GTF3C6: variants seen among roughly 807,000 people sequenced by gnomAD.
GTF3C6 encodes the protein general transcription factor 3C polypeptide 6.
A neutral mutation model predicts 19.2 loss-of-function variants in GTF3C6; 11 were observed. The ratio of observed to expected loss-of-function variants is 0.57; its 90% CI spans 0.36 to 0.95. The LOEUF is 0.95. Ranked by LOEUF, GTF3C6 falls within the 40% of genes least tolerant of loss-of-function variation. The probability of loss-of-function intolerance (pLI) is 0.01; values close to 1 mark genes in which losing one functional copy is unlikely to be tolerated. For missense variants in GTF3C6, 222 were observed against 254.7 expected, an observed-to-expected ratio of 0.87 and a Z score of 0.87; for synonymous variants, 87 against 84.2, an observed-to-expected ratio of 1.03 and a Z score of -0.18.
At chr6:110,960,735 T>G in intron 4 of GTF3C6, 119 bp downstream of exon 4, 3 of 861,468 alleles carry the variant, frequency 3.5e-6, no homozygotes, top group Admixed American at 2.1e-5. Flanking sequence ...TTCCCAAACG[T>G]GACTCAGATT....
rs1354075109 is a variant in GTF3C6, at chr6:110,959,232, G to A, written c.118G>A (p.Glu40Lys). The A allele has an allele frequency of 6.2e-7, 1 of 1,609,478 alleles. No homozygotes were observed. The highest frequency in any genetic ancestry group is 1.1e-5 in the South Asian group (1 of 90,964). Reference protein sequence around the residue: ...IIDSDFLSKCENKCKVLGIDT... With the variant: ...IIDSDFLSKCKNKCKVLGIDT... ...TGATTCAGACTTCCTCTCAAAATGT[G>A]AAAATAAATGCAAGGTTTTGGTGAG... Residue 40 changes from glutamate (E) to lysine (K), a missense_variant, in exon 2 of 6, where the codon GAA becomes AAA. Coordinates refer to ENST00000329970, the MANE Select transcript of GTF3C6 (RefSeq NM_138408.4).
Position 110,960,454 on chromosome 6 carries a change from G to T in GTF3C6, c.179G>T (p.Cys60Phe), listed in dbSNP as rs774430975. 2 of 1,613,856 alleles carry T rather than the reference G, an allele frequency of 1.2e-6. No homozygotes were observed. Among genetic ancestry groups the T allele is most frequent in the East Asian group, 4.5e-5 (2 of 44,892 alleles). The change falls in exon 3 of 6, where the codon TGT (cysteine) becomes TTT (phenylalanine). Residue 60 changes from cysteine to phenylalanine, a missense_variant. Physicochemically the swap from Cys to Phe is radical, Grantham distance 205 (BLOSUM62 -2). Transcript: ENST00000329970. ...TERPILQVDS[C>F]VFAGEYEDTL... Reference sequence around the variant, plus strand: ...AGGCCCATTCTGCAAGTGGACAGCTGTGTCTTTGCTGGGGAGTATGAAGGT... The same window carrying T: ...AGGCCCATTCTGCAAGTGGACAGCTTTGTCTTTGCTGGGGAGTATGAAGGT...
chr6:110,962,356 T>A, intron 4 of GTF3C6, 36 bp from the exon 5 acceptor site: 1 of 1,096,464 alleles, frequency 9.1e-7, no homozygotes, highest in Non-Finnish European at 1.4e-6. Context: ...TTTGATGGCA[T>A]AAGAAGTATA....
At position 110,958,742 on chromosome 6, in the gene GTF3C6, T is replaced by C; in HGVS notation, c.-28T>C. The C allele has an allele frequency of 6.5e-7, 1 of 1,550,168 alleles. No individual in the cohort carries two copies. Among genetic ancestry groups the C allele is most frequent in the Non-Finnish European group, 8.7e-7 (1 of 1,146,772 alleles). On this transcript the variant is annotated 5_prime_UTR_variant, in exon 1 of 6. The change abolishes the stop of an existing upstream ORF in the 5' untranslated region. Transcript: ENST00000329970. ...GGCGGCTCCGGGCGGGCGTGGCCAGTGACTAGAAGGCGAGGCGCCGCGGGA... is the reference window on the plus strand; with the variant it reads ...GGCGGCTCCGGGCGGGCGTGGCCAGCGACTAGAAGGCGAGGCGCCGCGGGA...
chr6:110,964,435 G>A (rs901405506), intron 5 of GTF3C6, among the ~76,000 whole-genome samples: 1 of 151,804 alleles, frequency 6.6e-6, no homozygotes, highest in South Asian at 2.1e-4. Flanking sequence ...AGTAGAGACA[G>A]GGTTTCACCA....
chr6:110,965,127 C>T (rs1184410178), intron 5 of GTF3C6, among the ~76,000 whole-genome samples: 1 of 145,304 alleles, frequency 6.9e-6, no homozygotes, highest in Non-Finnish European at 1.5e-5. Flanking sequence ...CACCACCGCA[C>T]CCAACCTTTT....
chr6:110,961,967 ATC>A (rs922322743), intron 4 of GTF3C6, among the ~76,000 whole-genome samples: 3 of 151,786 alleles, frequency 2.0e-5, no homozygotes, highest in Non-Finnish European at 4.4e-5. Context: ...CAGTGGCACA[ATC>A]TCTGCTCACT....
intron 5 of GTF3C6, among the ~76,000 whole-genome samples, chr6:110,962,926 G>A (rs149175063): frequency 0.028 from 4,290 of 152,168 alleles, 105 homozygotes; most frequent in South Asian, 0.1. Context: ...CTACAGGCAC[G>A]CACCACCAGG....
intron 5 of GTF3C6, 145 bp from the exon 6 acceptor site, chr6:110,967,365 T>A (rs1293702994): frequency 1.5e-6 from 1 of 676,518 alleles, no homozygotes; most frequent in Admixed American, 3.1e-5. Context: ...ATTTTATCAG[T>A]AGTTACAGAC....
At chr6:110,961,210 G>A (rs975740675) in intron 4 of GTF3C6, among the ~76,000 whole-genome samples, 1 of 149,742 alleles carries the variant, frequency 6.7e-6, no homozygotes, top group African/African-American at 2.5e-5. Context: ...GAGTGCAGTG[G>A]TGCAATCTTG....
intron 5 of GTF3C6, among the ~76,000 whole-genome samples, chr6:110,965,537 T>C (rs1465515802): frequency 6.6e-6 from 1 of 152,208 alleles, no homozygotes; most frequent in Non-Finnish European, 1.5e-5. Context: ...AATAAACCCT[T>C]GTTCCTATTA....
chr6:110,960,430 G>C lies in GTF3C6; in HGVS notation c.155G>C (p.Arg52Thr). 6.2e-7 allele frequency: 1 copy of C among 1,613,554 alleles called. No homozygotes were observed. The highest frequency in any genetic ancestry group is 1.7e-5 in the Admixed American group (1 of 59,908). ...CTGTTGTAGGGCATTGACACTGAGA[G>C]GCCCATTCTGCAAGTGGACAGCTGT... Reference protein sequence around the residue: ...KCKVLGIDTERPILQVDSCVF... With the variant: ...KCKVLGIDTETPILQVDSCVF... Residue 52 changes from arginine to threonine, a missense_variant, in exon 3 of 6, where the codon AGG becomes ACG. Transcript: ENST00000329970.
Position 110,958,801 on chromosome 6 carries a change from A to T in GTF3C6, c.32A>T (p.Glu11Val). The T allele has an allele frequency of 1.3e-6, 2 of 1,551,216 alleles. No homozygotes were observed. Among genetic ancestry groups the T allele is most frequent in the South Asian group, 1.2e-5 (1 of 84,048 alleles). ...GCGGCGGCGGACGAGCGGAGTCCAG[A>T]GGACGGAGAAGACGAGGAAGAGGAG... Reference protein sequence around the residue: MAAAADERSPEDGEDEEEEEQ... With the variant: MAAAADERSPVDGEDEEEEEQ... Residue 11 changes from glutamate (E) to valine (V), a missense_variant, in exon 1 of 6, where the codon GAG becomes GTG. Glu to Val is a moderately radical substitution (Grantham distance 121). Coordinates refer to ENST00000329970, the MANE Select transcript of GTF3C6 (RefSeq NM_138408.4).
intron 5 of GTF3C6, among the ~76,000 whole-genome samples, chr6:110,966,066 C>G (rs1478473079): frequency 6.6e-6 from 1 of 152,168 alleles, no homozygotes; most frequent in Admixed American, 6.6e-5. Context: ...ACATGTTGTC[C>G]TCCTCACAAG....
intron 2 of GTF3C6, among the ~76,000 whole-genome samples, chr6:110,959,817 CATG>C (rs1771135699): frequency 6.6e-6 from 1 of 151,958 alleles, no homozygotes; most frequent in Non-Finnish European, 1.5e-5. Context: ...ATTAGCCAGG[CATG>C]GTGGTGGGCG....
intron 5 of GTF3C6, among the ~76,000 whole-genome samples, chr6:110,966,952 G>C (rs111758376): frequency 2.6e-5 from 4 of 151,936 alleles, no homozygotes; most frequent in Admixed American, 6.6e-5. Context: ...TCAGGAGTTC[G>C]AGACCAGCCT....
At chr6:110,959,974 T>TAAC (rs1223484955) in intron 2 of GTF3C6, among the ~76,000 whole-genome samples, 1 of 148,780 alleles carries the variant, frequency 6.7e-6, no homozygotes, top group Non-Finnish European at 1.5e-5. Flanking sequence ...AAAAAAAAAA[T>TAAC]AATAATAATA....
chr6:110,960,386 T>G (rs1228064383), intron 2 of GTF3C6, 28 bp from the exon 3 acceptor site: 1 of 1,571,818 alleles, frequency 6.4e-7, no homozygotes, highest in African/African-American at 1.4e-5. Context: ...ATTATGTTTT[T>G]TTTTTATGAT....
At chr6:110,967,414 A>C in intron 5 of GTF3C6, 96 bp from the exon 6 acceptor site, 1 of 1,066,806 alleles carries the variant, frequency 9.4e-7, no homozygotes, top group Admixed American at 2.5e-5. Context: ...TCAGTTTGAC[A>C]TGTATTCATA....
Sources: gnomAD v4.1 joint callset for allele counts (sites outside exome capture counted in the v4.1 genomes callset) on GRCh38, gnomAD v4.1.1 for gene constraint, MANE v1.5 for transcripts, NCBI Gene and HGNC (gene_info 2026-07-23, HGNC 2026-07-21) for gene names.